CNOT3: variants seen among roughly 807,000 people sequenced by gnomAD.
The protein encoded by CNOT3 is CCR4-associated factor 3.
CNOT3 carries 2 observed loss-of-function variants against 89.4 expected under a neutral mutation model. The observed-to-expected ratio is 0.02, with a 90% CI of 0.01 to 0.07. The LOEUF (loss-of-function observed/expected upper bound fraction) is 0.07, where lower values mean the gene tolerates loss of function less well. CNOT3 is among the 10% of genes least tolerant of loss of function. The probability of loss-of-function intolerance (pLI) is 1.00; values close to 1 mark genes in which losing one functional copy is unlikely to be tolerated. For synonymous variants in CNOT3, 486 were observed against 402.0 expected (o/e 1.21, Z -2.50); for missense variants, 664 against 1,010.2 (o/e 0.66, Z 4.65).
intron 13 of CNOT3, among the ~76,000 whole-genome samples, chr19:54,150,163 A>G (rs1394759407): frequency 1.3e-5 from 2 of 151,576 alleles, no homozygotes; most frequent in African/African-American, 4.9e-5. Context: ...GCCTGGTTCC[A>G]CCCTTTAGGA....
At chr19:54,154,956 A>C (rs1359941161) in intron 17 of CNOT3, 1 of 265,666 alleles carries the variant, frequency 3.8e-6, no homozygotes, top group Non-Finnish European at 7.1e-6. Context: ...GTCTTTGTGA[A>C]GATTAAATGC....
At chr19:54,150,895 AT>A (rs1359702289) in intron 13 of CNOT3, among the ~76,000 whole-genome samples, 1 of 151,676 alleles carries the variant, frequency 6.6e-6, no homozygotes, top group Non-Finnish European at 1.5e-5. Context: ...GGTTCAAGCG[AT>A]TCTCCTGCCG....
At chr19:54,139,208 C>T (rs1385038566) in intron 1 of CNOT3, among the ~76,000 whole-genome samples, 1 of 152,094 alleles carries the variant, frequency 6.6e-6, no homozygotes, top group African/African-American at 2.4e-5. Context: ...TTGATGTCTC[C>T]CCTCCCTCCC....
In CNOT3 at chr19:54,148,605, A is replaced by G. The variant is rs1242873011; in HGVS notation, c.1283-15A>G. The stretch of plus-strand genomic sequence containing the variant: ...CAGCAGGCAGCAGCCCTTTCCATTT[A>G]CTCTTTGTTCCCAGGTTACAGCTCA... On this transcript the variant is annotated splice_polypyrimidine_tract_variant and intron_variant, in intron 11 of 17. Coordinates refer to ENST00000221232, the MANE Select transcript of CNOT3 (RefSeq NM_014516.4). This position sits in a 1 kb window ranked among gnomAD's most constrained non-coding sequence, Gnocchi z 6.3. 3 of 1,606,268 alleles carry G rather than the reference A, an allele frequency of 1.9e-6. No individual in the cohort carries two copies. The highest frequency in any genetic ancestry group is 2.7e-5 in the African/African-American group (2 of 74,600).
intron 15 of CNOT3, 48 bp from the exon 16 acceptor site, chr19:54,152,804 CACCCTTTTGATCACG>C (rs1424252035): frequency 2.3e-6 from 2 of 882,458 alleles, no homozygotes; most frequent in Non-Finnish European, 3.7e-6. Context: ...CATGTCTGAG[CACCCTTTTGATCACG>C]ACAGGACTAG....
chr19:54,153,141 C>A, intron 16 of CNOT3, 142 bp downstream of exon 16: 3 of 778,226 alleles, frequency 3.9e-6, no homozygotes. Context: ...ACTCCTGGGC[C>A]CCTGCCCCAA....
chr19:54,145,270 A>C lies in CNOT3; in HGVS notation c.484-328A>C, dbSNP rs2074615433. The stretch of plus-strand genomic sequence containing the variant: ...AGTGGTGGGCGGGCTCAGTTGAGAA[A>C]TCTGGGCTGTCAGGTGAGGTGCAGA... On this transcript the variant is annotated intron_variant, in intron 7 of 17. Transcript: ENST00000221232. The surrounding 1 kb of genome is among the most constrained non-coding windows in gnomAD (Gnocchi z 5.9). Among the ~76,000 whole-genome samples, 1 of 152,128 alleles carries C rather than the reference A, an allele frequency of 6.6e-6. No individual in the cohort carries two copies. The highest frequency in any genetic ancestry group is 1.5e-5 in the Non-Finnish European group (1 of 68,010).
chr19:54,154,170 C>T (rs2075296939), intron 17 of CNOT3: 2 of 520,150 alleles, frequency 3.8e-6, no homozygotes, highest in East Asian at 4.2e-5. Flanking sequence ...AGTATGTGTC[C>T]CTGCACCAGG....
chr19:54,140,254 A>C (rs36640), intron 1 of CNOT3, among the ~76,000 whole-genome samples: 5 of 151,498 alleles, frequency 3.3e-5, no homozygotes, highest in Admixed American at 1.3e-4. Flanking sequence ...ACCTCCCCCC[A>C]CCCCGCCACC....
In CNOT3 at chr19:54,148,570, C is replaced by A; in HGVS notation, c.1282+35C>A. The A allele has an allele frequency of 6.9e-7, 1 of 1,452,514 alleles. No homozygotes were observed. The highest frequency in any genetic ancestry group is 1.8e-5 in the Admixed American group (1 of 56,676). The allele number at this position is 1,452,514 out of a possible 1,614,324, so 90.0% of individuals were successfully genotyped here. A position where few individuals can be genotyped will look rare whatever the true frequency, so the allele number is the denominator to read the frequency against. Reference sequence around the variant, plus strand: ...GAGGCAGCGGGGTGGGGGGCGTGGGCGGGGCTGGGCAGCAGGCAGCAGCCC... The same window carrying A: ...GAGGCAGCGGGGTGGGGGGCGTGGGAGGGGCTGGGCAGCAGGCAGCAGCCC... On this transcript the variant is annotated intron_variant, in intron 11 of 17. Coordinates refer to ENST00000221232, the MANE Select transcript of CNOT3 (RefSeq NM_014516.4). This position sits in a 1 kb window ranked among gnomAD's most constrained non-coding sequence, Gnocchi z 6.3.
Position 54,152,435 on chromosome 19 carries a change from C to G in CNOT3, c.1713C>G (p.Ile571Met), listed in dbSNP as rs892245514. 2.5e-6 allele frequency: 4 copies of G among 1,614,094 alleles called. No individual in the cohort carries two copies. The highest frequency in any genetic ancestry group is 3.4e-6 in the Non-Finnish European group (4 of 1,180,028). Residue 571 changes from isoleucine (I) to methionine (M), a missense_variant, in exon 15 of 18, where the codon ATC becomes ATG. Transcript: ENST00000221232. ...CCCCCACCCTCCCCACAGACATCAT[C>G]CTGAGCAGTACATCAGCACCTCCGG... Reference protein sequence around the residue: ...PTLHLTERDIILSSTSAPPAS... With the variant: ...PTLHLTERDIMLSSTSAPPAS...
intron 1 of CNOT3, among the ~76,000 whole-genome samples, chr19:54,138,864 T>C (rs587730899): frequency 6.6e-6 from 1 of 152,316 alleles, no homozygotes; most frequent in South Asian, 2.1e-4. Flanking sequence ...GTCCTCAGTG[T>C]GGCCCACGTC....
In CNOT3 at chr19:54,152,493, G is replaced by A; in HGVS notation, c.1771G>A (p.Val591Met). The A allele has an allele frequency of 6.2e-7, 1 of 1,614,228 alleles. No homozygotes were observed. The highest frequency in any genetic ancestry group is 8.5e-7 in the Non-Finnish European group (1 of 1,180,038). The change falls in exon 15 of 18, where the codon GTG becomes ATG. Residue 591 changes from valine (V) to methionine (M), a missense_variant. Val to Met is a conservative substitution (Grantham distance 21). This residue lies in a region of CNOT3 where 545 missense variants were observed against 566.2 expected (regional missense o/e 0.96). Transcript: ENST00000221232. Reference protein sequence around the residue: ...SAQPPLQLSEVNIPLSLGVCP... With the variant: ...SAQPPLQLSEMNIPLSLGVCP... ...CCAGCCGCCCCTGCAGCTGTCAGAGGTGAACATACCGCTGTCGCTGGGTGT... is the reference window on the plus strand; with the variant it reads ...CCAGCCGCCCCTGCAGCTGTCAGAGATGAACATACCGCTGTCGCTGGGTGT...
At position 54,148,257 on chromosome 19, in the gene CNOT3, G is replaced by A; in HGVS notation, c.1004G>A (p.Ser335Asn). 6.2e-7 allele frequency: 1 copy of A among 1,605,772 alleles called. No individual in the cohort carries two copies. The highest frequency in any genetic ancestry group is 2.3e-5 in the East Asian group (1 of 44,386). Reference sequence around the variant, plus strand: ...CCCCCGCCTGCTGCCTCTGCCTTGAGCACCACTCCTGGCAACAATGGGGTC... The same window carrying A: ...CCCCCGCCTGCTGCCTCTGCCTTGAACACCACTCCTGGCAACAATGGGGTC... ...SGPPPAASALSTTPGNNGVPA... is the reference protein window; with the variant it reads ...SGPPPAASALNTTPGNNGVPA... Residue 335 changes from serine to asparagine, a missense_variant, in exon 11 of 18, where the codon AGC becomes AAC. Physicochemically the swap from Ser to Asn is conservative, Grantham distance 46 (BLOSUM62 1). Transcript: ENST00000221232. The surrounding 1 kb of genome is among the most constrained non-coding windows in gnomAD (Gnocchi z 6.3).
At chr19:54,154,021 T>A in intron 17 of CNOT3, 181 bp downstream of exon 17, 1 of 805,190 alleles carries the variant, frequency 1.2e-6, no homozygotes, top group Non-Finnish European at 2.2e-6. Context: ...CCTCTCATCC[T>A]CCACTTGGCC....
intron 13 of CNOT3, 52 bp downstream of exon 13, chr19:54,149,810 T>C (rs1262721900): frequency 5.5e-5 from 84 of 1,517,450 alleles, no homozygotes; most frequent in Non-Finnish European, 7.5e-5. Flanking sequence ...CTGTTGTTTC[T>C]TTCCTCCAGG....
At chr19:54,140,254 A>G (rs36640) in intron 1 of CNOT3, among the ~76,000 whole-genome samples, 94,402 of 151,510 alleles carry the variant, frequency 0.62, 29,406 homozygotes, top group East Asian at 0.77. Context: ...ACCTCCCCCC[A>G]CCCCGCCACC....
chr19:54,142,937 T>C lies in CNOT3; in HGVS notation c.-42T>C. ...CCAATCTCTCCTAGCAGCGTCCGTC[T>C]CCAAGAGAGTATGAAGAGAGTGCGT... On this transcript the variant is annotated 5_prime_UTR_variant, in exon 2 of 18. Transcript: ENST00000221232. 6.2e-7 allele frequency: 1 copy of C among 1,608,324 alleles called. No homozygotes were observed. Among genetic ancestry groups the C allele is most frequent in the Non-Finnish European group, 8.5e-7 (1 of 1,175,220 alleles).
intron 1 of CNOT3, among the ~76,000 whole-genome samples, chr19:54,138,912 G>T (rs587665039): frequency 1.3e-5 from 2 of 152,348 alleles, no homozygotes; most frequent in East Asian, 3.9e-4. Context: ...CCTGGCGTCT[G>T]CCCCTGGCTT....
Sources: allele counts gnomAD v4.1 joint callset (sites outside exome capture counted in the v4.1 genomes callset), GRCh38; gene constraint gnomAD v4.1.1; regional missense constraint gnomAD v4.1.1; non-coding constraint Gnocchi (gnomAD v3.1); transcripts MANE v1.5; gene names NCBI Gene and HGNC (gene_info 2026-07-23, HGNC 2026-07-21).